Variants in CDK17 observed in about 807,000 individuals in gnomAD.
CDK17 encodes cyclin dependent kinase 17.
CDK17 carries 24 observed loss-of-function variants against 77.6 expected under a neutral mutation model. That is an observed-to-expected ratio of 0.31 (90% CI 0.22 to 0.44). The LOEUF (loss-of-function observed/expected upper bound fraction) is 0.44, where lower values mean the gene tolerates loss of function less well. CDK17 is among the 20% of genes least tolerant of loss of function. The pLI is 1.00. For synonymous variants in CDK17, 203 were observed against 210.4 expected (o/e 0.96, Z 0.30); for missense variants, 429 against 622.5 (o/e 0.69, Z 3.31).
At chr12:96,383,555 C>A (rs1271772076) in intron 1 of CDK17, among the ~76,000 whole-genome samples, 3 of 152,090 alleles carry the variant, frequency 2.0e-5, no homozygotes, top group African/African-American at 7.2e-5. Context: ...CAGCATGGTA[C>A]TGATACAAAA....
At chr12:96,316,992 G>C (rs1428622437) in intron 3 of CDK17, among the ~76,000 whole-genome samples, 1 of 147,496 alleles carries the variant, frequency 6.8e-6, no homozygotes, top group Non-Finnish European at 1.5e-5. Context: ...GAAGGCTTCA[G>C]ACGATCAAAT....
intron 1 of CDK17, among the ~76,000 whole-genome samples, chr12:96,343,152 T>C (rs1953147200): frequency 1.3e-5 from 2 of 152,226 alleles, no homozygotes; most frequent in Admixed American, 1.3e-4. Flanking sequence ...CAGAGAAGAA[T>C]GCTCTAGAGC....
chr12:96,318,194 G>T (rs937360043), intron 3 of CDK17, among the ~76,000 whole-genome samples: 3 of 151,118 alleles, frequency 2.0e-5, no homozygotes, highest in Non-Finnish European at 3.0e-5. Context: ...GATCAAAAGA[G>T]ACAAAGAAGG....
intron 1 of CDK17, chr12:96,387,319 C>G (rs1302691781): frequency 3.8e-5 from 6 of 158,676 alleles, no homozygotes; most frequent in Non-Finnish European, 8.3e-5. Context: ...TCCCTTAACA[C>G]TGTGCTAAAC....
chr12:96,354,281 C>A, intron 1 of CDK17, among the ~76,000 whole-genome samples: 1 of 152,146 alleles, frequency 6.6e-6, no homozygotes, highest in East Asian at 1.9e-4. Context: ...TAGCAAATTT[C>A]CAGAGTTAGG....
At chr12:96,376,980 T>C (rs1328390743) in intron 1 of CDK17, among the ~76,000 whole-genome samples, 1 of 152,188 alleles carries the variant, frequency 6.6e-6, no homozygotes, top group Non-Finnish European at 1.5e-5. Context: ...ACTATAATAA[T>C]CATGATCAGT....
intron 1 of CDK17, among the ~76,000 whole-genome samples, chr12:96,387,754 C>A (rs1258651927): frequency 6.6e-6 from 1 of 152,016 alleles, no homozygotes; most frequent in Non-Finnish European, 1.5e-5. Flanking sequence ...CTAGCCTGGG[C>A]AACATAGTGA....
chr12:96,289,459 A>C (rs1353692264), intron 10 of CDK17, among the ~76,000 whole-genome samples, 172 bp from the exon 11 acceptor site: 1 of 152,224 alleles, frequency 6.6e-6, no homozygotes, highest in East Asian at 1.9e-4. Flanking sequence ...GGCCCTAAGT[A>C]AGCAAATCCT....
At chr12:96,386,417 G>T (rs1953977140) in intron 1 of CDK17, among the ~76,000 whole-genome samples, 2 of 152,162 alleles carry the variant, frequency 1.3e-5, no homozygotes, top group Admixed American at 1.3e-4. Context: ...GGGAGGCCAA[G>T]GTGGGAGGAT....
chr12:96,388,107 A>AT (rs200738792), intron 1 of CDK17, among the ~76,000 whole-genome samples: 2 of 152,006 alleles, frequency 1.3e-5, no homozygotes, highest in African/African-American at 2.4e-5. Flanking sequence ...TCATCTGTAC[A>AT]TAAAAAAAAA....
In CDK17 at chr12:96,377,942, C is replaced by G. The variant is rs1953813155; in HGVS notation, c.-30+22044G>C. Among the ~76,000 whole-genome samples the G allele has an allele frequency of 2.0e-5, 3 of 152,166 alleles. 1 individual carries two copies. The highest frequency in any genetic ancestry group is 1.3e-4 in the Admixed American group (2 of 15,278). Reference sequence around the variant, plus strand: ...TCTCCTGACCTCGTGATCCGCCCACCTTGGCCTCCCAAAGTGCTGGGATTA... The same window carrying G: ...TCTCCTGACCTCGTGATCCGCCCACGTTGGCCTCCCAAAGTGCTGGGATTA... On this transcript the variant is annotated intron_variant, in intron 1 of 16. Transcript: ENST00000261211.
chr12:96,290,945 T>C (rs1283591321), intron 10 of CDK17, among the ~76,000 whole-genome samples: 2 of 152,162 alleles, frequency 1.3e-5, no homozygotes, highest in African/African-American at 4.8e-5. Flanking sequence ...TATTATTATA[T>C]AAGCCATTTT....
intron 7 of CDK17, 106 bp from the exon 8 acceptor site, chr12:96,297,827 T>G: frequency 1.6e-6 from 1 of 631,298 alleles, no homozygotes; most frequent in South Asian, 2.2e-5. Context: ...AGTTTAGGTC[T>G]TGGGCGGTGG....
chr12:96,348,806 T>A (rs1465999764), intron 1 of CDK17, among the ~76,000 whole-genome samples: 1 of 152,060 alleles, frequency 6.6e-6, no homozygotes, highest in South Asian at 2.1e-4. Flanking sequence ...AGAAGTGAGC[T>A]GACAATCAGT....
At chr12:96,363,337 G>A (rs917104942) in intron 1 of CDK17, among the ~76,000 whole-genome samples, 2 of 151,506 alleles carry the variant, frequency 1.3e-5, no homozygotes, top group Admixed American at 1.3e-4. Context: ...TGTAATCCCA[G>A]CTAACTGGGA....
intron 16 of CDK17, 36 bp from the exon 17 acceptor site, chr12:96,280,315 G>A (rs1408795310): frequency 6.5e-7 from 1 of 1,548,088 alleles, no homozygotes; most frequent in East Asian, 2.4e-5. Context: ...GCAGTTCAAG[G>A]TTCAGTTTTA....
intron 15 of CDK17, 145 bp from the exon 16 acceptor site, chr12:96,281,030 T>C: frequency 1.6e-6 from 1 of 645,050 alleles, no homozygotes; most frequent in Non-Finnish European, 2.5e-6. Flanking sequence ...ATTTTTCCTT[T>C]TTGTCCCAGT....
chr12:96,372,005 G>A (rs757945016), intron 1 of CDK17, among the ~76,000 whole-genome samples: 6 of 55,806 alleles, frequency 1.1e-4, no homozygotes, highest in Non-Finnish European at 1.8e-4. Context: ...GTGAGTGAGT[G>A]TGTGTTTGTG....
intron 3 of CDK17, among the ~76,000 whole-genome samples, chr12:96,318,971 G>C (rs1487753857): frequency 7.5e-5 from 11 of 146,646 alleles, no homozygotes; most frequent in South Asian, 2.3e-4. Flanking sequence ...GAAGGAAATA[G>C]AGACACAAAA....
Sources: allele counts gnomAD v4.1 joint callset (sites outside exome capture counted in the v4.1 genomes callset), GRCh38; gene constraint gnomAD v4.1.1; transcripts MANE v1.5; gene names NCBI Gene and HGNC (gene_info 2026-07-23, HGNC 2026-07-21).